The following SLC24A3 variants were observed in gnomAD, a reference collection of about 807,000 sequenced individuals.
SLC24A3 encodes the protein solute carrier family 24 member 3.
A neutral mutation model predicts 75.8 loss-of-function variants in SLC24A3; 28 were observed. The ratio of observed to expected loss-of-function variants is 0.37; its 90% CI spans 0.27 to 0.51. The LOEUF is 0.51. Ranked by LOEUF, SLC24A3 falls within the 20% of genes least tolerant of loss-of-function variation. SLC24A3 has a pLI of 0.94. For synonymous variants in SLC24A3, 372 were observed against 334.1 expected (o/e 1.11, Z -1.24); for missense variants, 663 against 847.8 (o/e 0.78, Z 2.71).
At chr20:19,417,310 A>G (rs773594948) in intron 2 of SLC24A3, among the ~76,000 whole-genome samples, 3 of 152,230 alleles carry the variant, frequency 2.0e-5, no homozygotes, top group Non-Finnish European at 2.9e-5. Context: ...AGTGCATTAT[A>G]TATGTGTTTA....
intron 1 of SLC24A3, among the ~76,000 whole-genome samples, chr20:19,232,945 G>C (rs1408876775): frequency 1.3e-5 from 2 of 152,166 alleles, no homozygotes; most frequent in Non-Finnish European, 2.9e-5. Context: ...CTACCAATTT[G>C]GAAAATGAAT....
At chr20:19,695,690 A>C (rs2032796676) in intron 13 of SLC24A3, 1 of 152,184 alleles carries the variant, frequency 6.6e-6, no homozygotes, top group African/African-American at 2.4e-5. Context: ...ATTTAAACTG[A>C]GGTGGCCTCT....
At chr20:19,230,872 A>G (rs1223194188) in intron 1 of SLC24A3, among the ~76,000 whole-genome samples, 1 of 152,186 alleles carries the variant, frequency 6.6e-6, no homozygotes, top group Non-Finnish European at 1.5e-5. Context: ...ATTGGGTCCT[A>G]ATGCTAGGCT....
At chr20:19,580,607 C>A (rs2122632411) in intron 4 of SLC24A3, among the ~76,000 whole-genome samples, 1 of 152,212 alleles carries the variant, frequency 6.6e-6, no homozygotes, top group South Asian at 2.1e-4. Context: ...TGTTAGAAAT[C>A]ATCATAGTGC....
At chr20:19,474,840 A>G (rs1987935665) in intron 2 of SLC24A3, among the ~76,000 whole-genome samples, 2 of 152,104 alleles carry the variant, frequency 1.3e-5, no homozygotes, top group South Asian at 4.1e-4. Context: ...CTTAACTGAA[A>G]CTTTAAACCC....
chr20:19,720,212 T>C (rs1036712892), intron 16 of SLC24A3, among the ~76,000 whole-genome samples: 9 of 152,176 alleles, frequency 5.9e-5, no homozygotes, highest in Admixed American at 4.6e-4. Flanking sequence ...GTGTTTTAAT[T>C]TTATTTCATT....
At chr20:19,435,603 G>A (rs1001744205) in intron 2 of SLC24A3, among the ~76,000 whole-genome samples, 1 of 152,090 alleles carries the variant, frequency 6.6e-6, no homozygotes, top group African/African-American at 2.4e-5. Flanking sequence ...AAGTACTCAC[G>A]GTCACCTTTG....
chr20:19,495,079 G>C (rs542780559), intron 2 of SLC24A3, among the ~76,000 whole-genome samples: 113 of 152,304 alleles, frequency 7.4e-4, no homozygotes, highest in African/African-American at 2.5e-3. Context: ...TGAGGCAGGA[G>C]CTGGCCTTTG....
At chr20:19,583,009 C>G (rs1015951828) in intron 4 of SLC24A3, among the ~76,000 whole-genome samples, 1 of 152,182 alleles carries the variant, frequency 6.6e-6, no homozygotes, top group African/African-American at 2.4e-5. Context: ...CTACTCACCC[C>G]TCTGACGTCA....
intron 10 of SLC24A3, among the ~76,000 whole-genome samples, chr20:19,683,643 A>G (rs559507136): frequency 1.3e-5 from 2 of 152,316 alleles, no homozygotes; most frequent in African/African-American, 2.4e-5. Flanking sequence ...CAGTATGAAT[A>G]TTGCTGACAT....
chr20:19,660,234 G>A (rs190971493), intron 7 of SLC24A3, among the ~76,000 whole-genome samples: 8 of 152,180 alleles, frequency 5.3e-5, no homozygotes, highest in East Asian at 1.9e-4. Context: ...TCCCTTCACC[G>A]GAGTAGTGTA....
At chr20:19,702,521 T>A (rs937309696) in intron 15 of SLC24A3, among the ~76,000 whole-genome samples, 2 of 152,102 alleles carry the variant, frequency 1.3e-5, no homozygotes, top group African/African-American at 4.8e-5. Context: ...AGCCATGACA[T>A]GCACAAGAGT....
intron 2 of SLC24A3, among the ~76,000 whole-genome samples, chr20:19,322,804 A>T (rs890569230): frequency 2.0e-5 from 3 of 152,168 alleles, no homozygotes; most frequent in East Asian, 3.9e-4. Flanking sequence ...CCCTTCTCTG[A>T]GCTTGTAAGG....
chr20:19,366,238 A>G (rs1364606854), intron 2 of SLC24A3, among the ~76,000 whole-genome samples: 1 of 152,220 alleles, frequency 6.6e-6, no homozygotes, highest in Non-Finnish European at 1.5e-5. Context: ...CTGTAAAGGC[A>G]AAACAGGCAT....
intron 6 of SLC24A3, among the ~76,000 whole-genome samples, chr20:19,645,644 A>G (rs1244450406): frequency 3.9e-5 from 6 of 152,150 alleles, no homozygotes; most frequent in South Asian, 2.1e-4. Flanking sequence ...GAGAAACCAA[A>G]AGTCTTGATG....
At chr20:19,687,943 C>A (rs1326846792) in intron 12 of SLC24A3, among the ~76,000 whole-genome samples, 1 of 152,116 alleles carries the variant, frequency 6.6e-6, no homozygotes, top group Non-Finnish European at 1.5e-5. Flanking sequence ...CATCTCACCC[C>A]CAACAGATGC....
At position 19,281,194 on chromosome 20, in the gene SLC24A3, C is replaced by G. The variant is rs1324438333; in HGVS notation, c.271+107C>G. 3 of 1,505,214 alleles carry G rather than the reference C, an allele frequency of 2.0e-6. No individual in the cohort carries two copies. In the African/African-American group the frequency reaches 4.2e-5, roughly 21 times the overall value. The allele number at this position is 1,505,214 out of a possible 1,614,324, so 93.2% of individuals were successfully genotyped here. A position where few individuals can be genotyped will look rare whatever the true frequency, so the allele number is the denominator to read the frequency against. ...CTTAGAATTTTAATCCAGAAAGCCTCCAAAGATGTTTAGGATGGGAGTCTA... is the reference window on the plus strand; with the variant it reads ...CTTAGAATTTTAATCCAGAAAGCCTGCAAAGATGTTTAGGATGGGAGTCTA... On this transcript the variant is annotated intron_variant, in intron 2 of 16. Transcript: ENST00000328041.
chr20:19,385,558 G>A (rs1026168316), intron 2 of SLC24A3, among the ~76,000 whole-genome samples: 1 of 151,880 alleles, frequency 6.6e-6, no homozygotes, highest in Non-Finnish European at 1.5e-5. Flanking sequence ...GTCAGGTGGC[G>A]TGATGCCTCC....
At chr20:19,531,960 T>C (rs1478725173) in intron 3 of SLC24A3, among the ~76,000 whole-genome samples, 1 of 152,158 alleles carries the variant, frequency 6.6e-6, no homozygotes, top group African/African-American at 2.4e-5. Flanking sequence ...GTGAGGAAAC[T>C]GAGGCACAGA....
Sources: gnomAD v4.1 joint callset for allele counts (sites outside exome capture counted in the v4.1 genomes callset) on GRCh38, gnomAD v4.1.1 for gene constraint, MANE v1.5 for transcripts, NCBI Gene and HGNC (gene_info 2026-07-23, HGNC 2026-07-21) for gene names.